Variants in ADCY2 observed in about 807,000 individuals in gnomAD.
ADCY2 encodes the protein adenylate cyclase type 2.
ADCY2 carries 31 observed loss-of-function variants against 125.2 expected under a neutral mutation model. That is an observed-to-expected ratio of 0.25 (90% confidence interval 0.19 to 0.33). ADCY2 has a LOEUF of 0.33. ADCY2 is among the 10% of genes least tolerant of loss of function. The probability of loss-of-function intolerance (pLI) is 1.00; values close to 1 mark genes in which losing one functional copy is unlikely to be tolerated. For missense variants in ADCY2, 904 were observed against 1,418.2 expected, an observed-to-expected ratio of 0.64 and a Z score of 5.82; for synonymous variants, 512 against 548.4, an observed-to-expected ratio of 0.93 and a Z score of 0.93.
intron 19 of ADCY2, among the ~76,000 whole-genome samples, chr5:7,788,855 A>G (rs529142766): frequency 1.3e-5 from 2 of 152,360 alleles, no homozygotes; most frequent in Admixed American, 6.5e-5. Context: ...AAGCCCTTCT[A>G]TTACAGGAAG....
intron 15 of ADCY2, among the ~76,000 whole-genome samples, chr5:7,751,036 CTTT>C (rs1373066218): frequency 6.6e-6 from 1 of 152,096 alleles, no homozygotes; most frequent in Non-Finnish European, 1.5e-5. Flanking sequence ...TTTTCCACTT[CTTT>C]ATCTTTCTGT....
intron 2 of ADCY2, among the ~76,000 whole-genome samples, chr5:7,430,136 G>A (rs1561021111): frequency 6.6e-6 from 1 of 152,048 alleles, no homozygotes; most frequent in Non-Finnish European, 1.5e-5. Context: ...ATTGAAAAGC[G>A]AACCAGTAAA....
At chr5:7,665,665 C>A (rs1295389560) in intron 4 of ADCY2, among the ~76,000 whole-genome samples, 2 of 151,908 alleles carry the variant, frequency 1.3e-5, no homozygotes, top group Non-Finnish European at 1.5e-5. Flanking sequence ...TCTCCTGGGG[C>A]CTTTCCTTAG....
intron 3 of ADCY2, among the ~76,000 whole-genome samples, chr5:7,620,984 T>C (rs1465066348): frequency 6.6e-6 from 1 of 152,082 alleles, no homozygotes; most frequent in East Asian, 1.9e-4. Flanking sequence ...TGCTGCCTGG[T>C]GTCTGCTTGG....
intron 4 of ADCY2, among the ~76,000 whole-genome samples, chr5:7,642,362 A>G (rs1738741889): frequency 6.6e-6 from 1 of 152,004 alleles, no homozygotes. Flanking sequence ...CCCATTTTTA[A>G]TGGGATTATT....
At chr5:7,561,127 G>A (rs1196388367) in intron 3 of ADCY2, among the ~76,000 whole-genome samples, 1 of 152,140 alleles carries the variant, frequency 6.6e-6, no homozygotes, top group Non-Finnish European at 1.5e-5. Context: ...TTGCATGCTT[G>A]GGCTCCTTCT....
At chr5:7,465,027 G>C (rs1199259246) in intron 2 of ADCY2, among the ~76,000 whole-genome samples, 1 of 152,108 alleles carries the variant, frequency 6.6e-6, no homozygotes, top group African/African-American at 2.4e-5. Flanking sequence ...AGTGAAAGGG[G>C]TTTCCCCTTA....
At chr5:7,754,860 AG>A (rs1742938645) in intron 15 of ADCY2, among the ~76,000 whole-genome samples, 1 of 151,826 alleles carries the variant, frequency 6.6e-6, no homozygotes, top group South Asian at 2.1e-4. Flanking sequence ...ACTCCGTCTC[AG>A]GAAAAAAAAA....
intron 3 of ADCY2, among the ~76,000 whole-genome samples, chr5:7,580,714 A>G (rs1342908087): frequency 6.6e-6 from 1 of 152,214 alleles, no homozygotes; most frequent in African/African-American, 2.4e-5. Context: ...GAAAATAAAA[A>G]TACAGATTCA....
intron 14 of ADCY2, among the ~76,000 whole-genome samples, chr5:7,741,674 TCAC>T (rs1458427700): frequency 6.3e-4 from 30 of 47,624 alleles, no homozygotes; most frequent in Non-Finnish European, 1.3e-3. Flanking sequence ...ATCATCATCA[TCAC>T]CATCACCGTC....
intron 20 of ADCY2, among the ~76,000 whole-genome samples, chr5:7,791,193 C>G (rs765569698): frequency 3.3e-5 from 5 of 151,972 alleles, no homozygotes; most frequent in Non-Finnish European, 5.9e-5. Flanking sequence ...TAGTTTCTTG[C>G]ATGACTCAGT....
At chr5:7,507,573 C>T (rs897556604) in intron 2 of ADCY2, among the ~76,000 whole-genome samples, 15 of 151,140 alleles carry the variant, frequency 9.9e-5, no homozygotes, top group African/African-American at 3.2e-4. Flanking sequence ...AATTATGTAA[C>T]TAGAAAAATA....
At chr5:7,640,606 G>T (rs1738665774) in intron 4 of ADCY2, among the ~76,000 whole-genome samples, 1 of 152,080 alleles carries the variant, frequency 6.6e-6, no homozygotes, top group Non-Finnish European at 1.5e-5. Flanking sequence ...CATGAAAAAT[G>T]GTAACTGTTT....
chr5:7,504,818 A>C (rs1246025887), intron 2 of ADCY2, among the ~76,000 whole-genome samples: 2 of 149,578 alleles, frequency 1.3e-5, no homozygotes, highest in Non-Finnish European at 3.0e-5. Flanking sequence ...CAAAAATTGC[A>C]GCCTTATTAT....
intron 2 of ADCY2, among the ~76,000 whole-genome samples, chr5:7,474,915 AG>A (rs1444913299): frequency 6.6e-6 from 1 of 152,256 alleles, no homozygotes; most frequent in Non-Finnish European, 1.5e-5. Context: ...CCCCCAGGCC[AG>A]CCACAATGGG....
intron 3 of ADCY2, among the ~76,000 whole-genome samples, chr5:7,598,276 G>A (rs1397293124): frequency 1.3e-5 from 2 of 152,182 alleles, no homozygotes; most frequent in Admixed American, 6.5e-5. Flanking sequence ...GGCCAGACTC[G>A]TGGGTAACCT....
At chr5:7,771,677 G>A (rs989196963) in intron 17 of ADCY2, among the ~76,000 whole-genome samples, 1 of 152,098 alleles carries the variant, frequency 6.6e-6, no homozygotes, top group Admixed American at 6.6e-5. Context: ...ACAAGAACAG[G>A]ACTGTTGAGC....
chr5:7,706,026 C>T (rs578123523), intron 7 of ADCY2, among the ~76,000 whole-genome samples: 6 of 152,236 alleles, frequency 3.9e-5, no homozygotes, highest in African/African-American at 1.4e-4. Flanking sequence ...GTAATTCTTT[C>T]GATGTAACTA....
chr5:7,765,767 A>T (rs557781777), intron 16 of ADCY2, among the ~76,000 whole-genome samples: 1 of 152,340 alleles, frequency 6.6e-6, no homozygotes, highest in East Asian at 1.9e-4. Context: ...AAGCTGTTTA[A>T]TAGGTTTATG....
Sources: gnomAD v4.1 joint callset for allele counts (sites outside exome capture counted in the v4.1 genomes callset) on GRCh38, gnomAD v4.1.1 for gene constraint, MANE v1.5 for transcripts, NCBI Gene and HGNC (gene_info 2026-07-23, HGNC 2026-07-21) for gene names.